The following TBC1D5 variants were observed in gnomAD, a reference collection of about 807,000 sequenced individuals.
TBC1D5 encodes the protein TBC1 domain family, member 5.
A neutral mutation model predicts 100.3 loss-of-function variants in TBC1D5; 75 were observed. That is an observed-to-expected ratio of 0.75 (90% confidence interval 0.62 to 0.91). The LOEUF is 0.91. Ranked by LOEUF, TBC1D5 falls within the 40% of genes least tolerant of loss-of-function variation. The probability of loss-of-function intolerance (pLI) is 0.00; values close to 1 mark genes in which losing one functional copy is unlikely to be tolerated. For synonymous variants in TBC1D5, 323 were observed against 325.6 expected, an observed-to-expected ratio of 0.99 and a Z score of 0.09; for missense variants, 910 against 942.4, an observed-to-expected ratio of 0.97 and a Z score of 0.45.
At chr3:17,195,796 C>T (rs2070601675) in intron 18 of TBC1D5, among the ~76,000 whole-genome samples, 1 of 148,108 alleles carries the variant, frequency 6.8e-6, no homozygotes, top group South Asian at 2.1e-4. Flanking sequence ...ACTTCTGAGA[C>T]TTCTGGAAAG....
At chr3:17,439,736 T>C (rs2094608799) in intron 3 of TBC1D5, among the ~76,000 whole-genome samples, 1 of 152,208 alleles carries the variant, frequency 6.6e-6, no homozygotes, top group African/African-American at 2.4e-5. Flanking sequence ...AATGCATCTT[T>C]ATTTACTAAA....
At chr3:17,337,574 C>T (rs545947148) in intron 13 of TBC1D5, 24 of 152,262 alleles carry the variant, frequency 1.6e-4, no homozygotes, top group African/African-American at 5.3e-4. Context: ...TCTTGTGTCA[C>T]AGTACCTCCA....
chr3:17,473,319 T>A (rs2095402302), intron 3 of TBC1D5, among the ~76,000 whole-genome samples: 1 of 152,168 alleles, frequency 6.6e-6, no homozygotes, highest in South Asian at 2.1e-4. Context: ...AGAATAATTA[T>A]CTTGAGCAAT....
intron 19 of TBC1D5, among the ~76,000 whole-genome samples, chr3:17,175,709 A>G (rs970747200): frequency 3.3e-5 from 5 of 152,236 alleles, no homozygotes; most frequent in Non-Finnish European, 5.9e-5. Context: ...TTAAAATTAC[A>G]TCATTTAGTC....
chr3:17,240,712 T>C (rs993847227), intron 16 of TBC1D5, among the ~76,000 whole-genome samples: 8 of 152,124 alleles, frequency 5.3e-5, no homozygotes, highest in African/African-American at 1.9e-4. Flanking sequence ...TTCTGTTGCA[T>C]TTTAGTTTTG....
At chr3:17,708,565 AC>A (rs2074401319) in intron 1 of TBC1D5, among the ~76,000 whole-genome samples, 1 of 152,180 alleles carries the variant, frequency 6.6e-6, no homozygotes. Flanking sequence ...TTTAACAGCA[AC>A]CCTGGCTTCT....
chr3:17,426,401 T>C (rs2094336458), intron 4 of TBC1D5, among the ~76,000 whole-genome samples: 1 of 152,082 alleles, frequency 6.6e-6, no homozygotes, highest in Non-Finnish European at 1.5e-5. Context: ...GCCTACTGAG[T>C]AGAAAAATAT....
At chr3:17,582,940 A>T (rs963305279) in intron 2 of TBC1D5, among the ~76,000 whole-genome samples, 1 of 152,186 alleles carries the variant, frequency 6.6e-6, no homozygotes, top group African/African-American at 2.4e-5. Context: ...GAACTGAATG[A>T]TAGTCTGAAA....
At chr3:17,555,645 T>G (rs2096511848) in intron 2 of TBC1D5, among the ~76,000 whole-genome samples, 1 of 152,300 alleles carries the variant, frequency 6.6e-6, no homozygotes, top group African/African-American at 2.4e-5. Context: ...CCACAAGAGA[T>G]AACCCTGAAG....
At chr3:17,258,075 G>A (rs1169068820) in intron 16 of TBC1D5, among the ~76,000 whole-genome samples, 6 of 152,054 alleles carry the variant, frequency 3.9e-5, no homozygotes, top group Non-Finnish European at 7.4e-5. Context: ...AATCACAAAT[G>A]TACACACAAG....
chr3:17,555,440 A>G (rs1361046642), intron 2 of TBC1D5, among the ~76,000 whole-genome samples: 1 of 152,172 alleles, frequency 6.6e-6, no homozygotes, highest in African/African-American at 2.4e-5. Context: ...CTTCCAGGTC[A>G]TAGGTGGATT....
At chr3:17,513,352 A>C (rs1322866710) in intron 2 of TBC1D5, among the ~76,000 whole-genome samples, 1 of 152,068 alleles carries the variant, frequency 6.6e-6, no homozygotes, top group Admixed American at 6.6e-5. Context: ...AAAATCAATC[A>C]ATCAATATGA....
intron 3 of TBC1D5, among the ~76,000 whole-genome samples, chr3:17,437,936 G>A (rs1235519194): frequency 6.6e-6 from 1 of 152,116 alleles, no homozygotes; most frequent in African/African-American, 2.4e-5. Context: ...ATTTACTAAT[G>A]ACTAACAATA....
intron 1 of TBC1D5, among the ~76,000 whole-genome samples, chr3:17,639,466 T>TA (rs575558815): frequency 0.044 from 6,211 of 139,974 alleles, 357 homozygotes; most frequent in African/African-American, 0.14. Flanking sequence ...ACAATTTGGT[T>TA]AAAAAAAAAA....
intron 16 of TBC1D5, among the ~76,000 whole-genome samples, chr3:17,258,081 A>AC (rs1006504195): frequency 3.9e-5 from 6 of 152,278 alleles, no homozygotes; most frequent in Admixed American, 2.0e-4. Flanking sequence ...AAATGTACAC[A>AC]CAAGATGCAT....
intron 2 of TBC1D5, among the ~76,000 whole-genome samples, chr3:17,587,752 C>T (rs2153554507): frequency 6.6e-6 from 1 of 152,054 alleles, no homozygotes; most frequent in South Asian, 2.1e-4. Context: ...ATCTAAATAT[C>T]ATCAGCTGCT....
At chr3:17,346,846 A>G (rs2089951578) in intron 13 of TBC1D5, among the ~76,000 whole-genome samples, 1 of 152,196 alleles carries the variant, frequency 6.6e-6, no homozygotes, top group African/African-American at 2.4e-5. Flanking sequence ...CTATCCTTCT[A>G]TACAAATTTG....
Position 17,605,338 on chromosome 3 carries a change from C to T in TBC1D5, c.-36+18511G>A, listed in dbSNP as rs145250606. Among the ~76,000 whole-genome samples the T allele has an allele frequency of 1.8e-3, 271 of 152,260 alleles. 1 individual carries two copies. Among genetic ancestry groups the T allele is most frequent in the African/African-American group, 6.1e-3 (255 of 41,532 alleles). ...AGCAAATTTATAATACCCTAGAGAC[C>T]ATATACATCAGAAAACCCTACAATT... On this transcript the variant is annotated intron_variant, in intron 2 of 21. Transcript: ENST00000253692.
chr3:17,233,301 A>G (rs1346363398), intron 17 of TBC1D5, among the ~76,000 whole-genome samples: 1 of 152,214 alleles, frequency 6.6e-6, no homozygotes, highest in Non-Finnish European at 1.5e-5. Context: ...ATCGTAGCAC[A>G]TAAGATGTCT....
Sources: gnomAD v4.1 joint callset for allele counts (sites outside exome capture counted in the v4.1 genomes callset) on GRCh38, gnomAD v4.1.1 for gene constraint, MANE v1.5 for transcripts, NCBI Gene and HGNC (gene_info 2026-07-23, HGNC 2026-07-21) for gene names.